GPHN: variants seen among roughly 807,000 people sequenced by gnomAD.
The protein encoded by GPHN is gephyrin.
In GPHN, 17 loss-of-function variants were observed where a neutral mutation model predicts 95.5. The observed-to-expected ratio is 0.18, with a 90% CI of 0.12 to 0.27. The LOEUF (loss-of-function observed/expected upper bound fraction) is 0.27. Among genes scored for constraint, GPHN ranks in the 10% least tolerant of loss-of-function variants. GPHN has a pLI of 1.00. For missense variants in GPHN, 660 were observed against 978.1 expected (o/e 0.67, Z 4.34); for synonymous variants, 320 against 322.5 (o/e 0.99, Z 0.08).
intron 10 of GPHN, among the ~76,000 whole-genome samples, chr14:67,036,311 G>A (rs2074418585): frequency 6.7e-6 from 1 of 149,612 alleles, no homozygotes; most frequent in Admixed American, 6.6e-5. Flanking sequence ...TTAAGATCAA[G>A]AACAAAGCAA....
intron 10 of GPHN, among the ~76,000 whole-genome samples, chr14:67,031,291 A>G (rs1331740572): frequency 6.6e-6 from 1 of 152,180 alleles, no homozygotes; most frequent in African/African-American, 2.4e-5. Flanking sequence ...GGATTTTGAA[A>G]TAATCCTTGG....
chr14:67,645,331 T>C, the GPHN span, among the ~76,000 whole-genome samples: 2 of 152,196 alleles, frequency 1.3e-5, no homozygotes, highest in African/African-American at 4.8e-5. Flanking sequence ...ATTTCATTCA[T>C]TGAACAAATA....
At chr14:67,321,168 A>C in the GPHN span, 1 of 1,614,240 alleles carries the variant, frequency 6.2e-7, no homozygotes, top group East Asian at 2.2e-5. Context: ...GAGCATGGTG[A>C]ATTTGAGAAG....
At chr14:67,227,133 A>G in the GPHN span, among the ~76,000 whole-genome samples, 1 of 152,180 alleles carries the variant, frequency 6.6e-6, no homozygotes, top group Non-Finnish European at 1.5e-5. Context: ...TTAAATTTTG[A>G]CTTATTAAAT....
chr14:66,586,182 G>C (rs903983739), intron 1 of GPHN, among the ~76,000 whole-genome samples: 76 of 151,732 alleles, frequency 5.0e-4, no homozygotes, highest in Admixed American at 1.8e-3. Flanking sequence ...TTGGTTTAAA[G>C]TCTGTTTTAT....
intron 10 of GPHN, among the ~76,000 whole-genome samples, chr14:67,040,268 C>T (rs1299516759): frequency 1.3e-5 from 2 of 152,044 alleles, no homozygotes. Flanking sequence ...AACATTTTGT[C>T]ACATTTCCTT....
intron 2 of GPHN, among the ~76,000 whole-genome samples, chr14:66,764,118 T>G (rs1186434274): frequency 6.6e-6 from 1 of 152,188 alleles, no homozygotes; most frequent in East Asian, 1.9e-4. Context: ...GCACAATAAA[T>G]GTAATGCATT....
chr14:67,719,883 G>A, the GPHN span, among the ~76,000 whole-genome samples: 1 of 151,980 alleles, frequency 6.6e-6, no homozygotes, highest in Non-Finnish European at 1.5e-5. Flanking sequence ...TACTATTGAT[G>A]GACATTTAGG....
At chr14:66,803,133 A>G (rs985306501) in intron 3 of GPHN, among the ~76,000 whole-genome samples, 1 of 152,152 alleles carries the variant, frequency 6.6e-6, no homozygotes, top group South Asian at 2.1e-4. Context: ...TCTGATTGCT[A>G]GGATCAGCAG....
intron 1 of GPHN, among the ~76,000 whole-genome samples, chr14:66,539,409 CTTTTTTTT>C (rs1000117893): frequency 9.8e-6 from 1 of 101,844 alleles, no homozygotes; most frequent in Non-Finnish European, 1.8e-5. Flanking sequence ...TTTCTACTTT[CTTTTTTTT>C]TTTTTTTTTT....
chr14:67,696,370 G>C, the GPHN span, among the ~76,000 whole-genome samples: 2 of 152,208 alleles, frequency 1.3e-5, no homozygotes, highest in South Asian at 2.1e-4. Context: ...GGAGAGGAGC[G>C]GTCCGAAGTC....
chr14:67,625,105 A>G, the GPHN span, among the ~76,000 whole-genome samples: 1 of 152,180 alleles, frequency 6.6e-6, no homozygotes, highest in Admixed American at 6.5e-5. Flanking sequence ...ACAAGTCAGT[A>G]AGGAAAGAAT....
chr14:67,201,360 AGAGCCCCAG>A, the GPHN span: 1 of 420,130 alleles, frequency 2.4e-6, no homozygotes, highest in Non-Finnish European at 4.7e-6. Flanking sequence ...ATAGAGTGAA[AGAGCCCCAG>A]GGCATCAGCT....
intron 21 of GPHN, among the ~76,000 whole-genome samples, chr14:67,169,349 T>C (rs2082466935): frequency 6.6e-6 from 1 of 152,214 alleles, no homozygotes; most frequent in South Asian, 2.1e-4. Context: ...ACCCTAACAC[T>C]AGACCTGTCT....
At chr14:66,609,109 G>C (rs576282604) in intron 1 of GPHN, among the ~76,000 whole-genome samples, 1 of 152,184 alleles carries the variant, frequency 6.6e-6, no homozygotes, top group South Asian at 2.1e-4. Context: ...TGTTTTTGTG[G>C]TATCAGATAC....
chr14:66,698,158 T>G (rs1184639440), intron 2 of GPHN, among the ~76,000 whole-genome samples: 1 of 152,198 alleles, frequency 6.6e-6, no homozygotes, highest in Non-Finnish European at 1.5e-5. Flanking sequence ...GGATTTTGCC[T>G]GAAATTTCAT....
intron 1 of GPHN, among the ~76,000 whole-genome samples, chr14:66,680,633 G>C (rs2066882264): frequency 6.6e-6 from 1 of 152,130 alleles, no homozygotes; most frequent in Non-Finnish European, 1.5e-5. Flanking sequence ...AATCCTTCCA[G>C]AAATTAAAAT....
chr14:66,676,550 G>C (rs367548257), intron 1 of GPHN, among the ~76,000 whole-genome samples: 2 of 152,082 alleles, frequency 1.3e-5, no homozygotes, highest in East Asian at 1.9e-4. Flanking sequence ...CTTTGGATTT[G>C]AGATGATCAT....
At chr14:67,492,312 C>T in the GPHN span, among the ~76,000 whole-genome samples, 1 of 152,240 alleles carries the variant, frequency 6.6e-6, no homozygotes, top group Non-Finnish European at 1.5e-5. Context: ...CAGAGTGAGG[C>T]ATGTGTTACT....
Sources: allele counts gnomAD v4.1 joint callset (sites outside exome capture counted in the v4.1 genomes callset), GRCh38; gene constraint gnomAD v4.1.1; transcripts MANE v1.5; gene names NCBI Gene and HGNC (gene_info 2026-07-23, HGNC 2026-07-21).